Variants in GALNT14 observed in about 807,000 individuals in gnomAD.
GALNT14 encodes the protein polypeptide N-acetylgalactosaminyltransferase 14, also known as UDP-GalNAc:polypeptide N-acetylgalactosaminyltransferase 14.
Under a neutral mutation model 77.5 loss-of-function variants are expected in GALNT14, and 60 were observed. That is an observed-to-expected ratio of 0.77 (90% confidence interval 0.63 to 0.96). GALNT14 has a LOEUF of 0.96. Ranked by LOEUF, GALNT14 falls within the 40% of genes least tolerant of loss-of-function variation. The pLI is 0.00. For missense variants in GALNT14, 710 were observed against 731.0 expected, an observed-to-expected ratio of 0.97 and a Z score of 0.33; for synonymous variants, 280 against 281.7, an observed-to-expected ratio of 0.99 and a Z score of 0.06.
intron 1 of GALNT14, among the ~76,000 whole-genome samples, chr2:31,098,388 G>A (rs1677098577): frequency 6.6e-6 from 1 of 152,110 alleles, no homozygotes; most frequent in African/African-American, 2.4e-5. Flanking sequence ...AAGAGGATGT[G>A]CATCATCTTC....
intron 6 of GALNT14, among the ~76,000 whole-genome samples, chr2:30,952,131 A>C (rs573015920): frequency 1.1e-4 from 16 of 152,244 alleles, no homozygotes; most frequent in Non-Finnish European, 2.4e-4. Flanking sequence ...TATAACATTA[A>C]GGGAAAAAAG....
chr2:31,063,961 G>T (rs750030044), intron 1 of GALNT14, among the ~76,000 whole-genome samples: 2 of 152,202 alleles, frequency 1.3e-5, no homozygotes, highest in Non-Finnish European at 2.9e-5. Context: ...AAAGATTTGA[G>T]AAGGCAGCCC....
chr2:31,132,601 G>T, intron 1 of GALNT14: 1 of 410,624 alleles, frequency 2.4e-6, no homozygotes. Flanking sequence ...TTACAACAAT[G>T]AGAAAATTGA....
chr2:31,131,004 A>G (rs899107676), intron 1 of GALNT14, among the ~76,000 whole-genome samples: 6 of 152,178 alleles, frequency 3.9e-5, no homozygotes, highest in Non-Finnish European at 7.3e-5. Context: ...ACAGTTATTC[A>G]TAACTAACCT....
chr2:30,922,235 G>A (rs1383325119), intron 13 of GALNT14, among the ~76,000 whole-genome samples: 1 of 84,166 alleles, frequency 1.2e-5, no homozygotes, highest in East Asian at 3.0e-4. Context: ...AGAAAGTCCA[G>A]GTAGGAGATC....
intron 1 of GALNT14, among the ~76,000 whole-genome samples, chr2:31,057,193 C>A (rs769406468): frequency 5.3e-5 from 8 of 151,048 alleles, no homozygotes; most frequent in Non-Finnish European, 7.4e-5. Flanking sequence ...ATGCTCATTA[C>A]CTGGGTGATG....
At chr2:31,069,007 G>A (rs1177481133) in intron 1 of GALNT14, among the ~76,000 whole-genome samples, 1 of 152,188 alleles carries the variant, frequency 6.6e-6, no homozygotes, top group Non-Finnish European at 1.5e-5. Context: ...GCGGGGTGGG[G>A]CATGGGAATT....
intron 1 of GALNT14, among the ~76,000 whole-genome samples, chr2:30,994,722 C>T (rs554852101): frequency 1.3e-5 from 2 of 152,178 alleles, no homozygotes; most frequent in South Asian, 4.2e-4. Flanking sequence ...ATGGGAAGGG[C>T]CATAGAACTG....
chr2:31,085,925 G>A (rs1296145647), intron 1 of GALNT14, among the ~76,000 whole-genome samples: 1 of 152,188 alleles, frequency 6.6e-6, no homozygotes, highest in African/African-American at 2.4e-5. Context: ...GGACTTACAT[G>A]GCGACAGGCA....
intron 1 of GALNT14, among the ~76,000 whole-genome samples, chr2:31,110,700 A>G (rs1289388393): frequency 6.6e-6 from 1 of 151,564 alleles, no homozygotes; most frequent in African/African-American, 2.4e-5. Context: ...AATCACCACA[A>G]TTTTTTTTTC....
chr2:30,957,596 C>G (rs1667442839), intron 4 of GALNT14, among the ~76,000 whole-genome samples: 2 of 152,278 alleles, frequency 1.3e-5, no homozygotes, highest in South Asian at 2.1e-4. Context: ...TGCATCACCC[C>G]CAGAGGTTCT....
chr2:30,956,727 G>A (rs376814852), intron 4 of GALNT14, among the ~76,000 whole-genome samples: 5 of 152,058 alleles, frequency 3.3e-5, no homozygotes, highest in South Asian at 2.1e-4. Context: ...GGCTGGTCTC[G>A]AACTCCTGAC....
chr2:31,035,569 A>ATG (rs1168590695), intron 1 of GALNT14, among the ~76,000 whole-genome samples: 1,551 of 128,212 alleles, frequency 0.012, 25 homozygotes, highest in Admixed American at 0.015. Flanking sequence ...GTGTGTGTGT[A>ATG]TGTGTGTGTG....
At chr2:30,888,075 C>T in the GALNT14 span, among the ~76,000 whole-genome samples, 1 of 152,126 alleles carries the variant, frequency 6.6e-6, no homozygotes, top group African/African-American at 2.4e-5. Context: ...ACATGAATTG[C>T]TTGCCTGGAC....
chr2:31,005,847 C>G (rs1056248896), intron 1 of GALNT14, among the ~76,000 whole-genome samples: 1 of 152,186 alleles, frequency 6.6e-6, no homozygotes, highest in Admixed American at 6.5e-5. Context: ...TTTTAAGAAG[C>G]GTAATACATA....
chr2:30,989,272 T>G lies in GALNT14; in HGVS notation c.299+3566A>C, dbSNP rs934008949. Among the ~76,000 whole-genome samples the G allele has an allele frequency of 3.3e-5, 5 of 151,968 alleles. No individual in the cohort carries two copies. In the East Asian group the frequency reaches 7.7e-4, roughly 23 times the overall value. On this transcript the variant is annotated intron_variant, in intron 2 of 14. Coordinates refer to ENST00000349752, the MANE Select transcript of GALNT14 (RefSeq NM_024572.4). ...TCATGGGGATTTGACACCACTCACT[T>G]CCACTTCTCTGGCATTGAACCTGAC...
At chr2:31,028,815 T>C (rs1672231989) in intron 1 of GALNT14, among the ~76,000 whole-genome samples, 1 of 152,186 alleles carries the variant, frequency 6.6e-6, no homozygotes, top group South Asian at 2.1e-4. Context: ...CAAGGTGGTA[T>C]TTCATTGGCA....
intron 6 of GALNT14, among the ~76,000 whole-genome samples, chr2:30,948,297 G>A (rs1166196344): frequency 6.6e-6 from 1 of 152,218 alleles, no homozygotes; most frequent in East Asian, 1.9e-4. Flanking sequence ...CCAAAGATAT[G>A]TTTGGCCCTT....
chr2:31,011,213 C>T (rs1230323118), intron 1 of GALNT14, among the ~76,000 whole-genome samples: 2 of 152,248 alleles, frequency 1.3e-5, no homozygotes, highest in Admixed American at 1.3e-4. Flanking sequence ...TTCTGCAAAA[C>T]TGTGATGCCA....
Sources: allele counts gnomAD v4.1 joint callset (sites outside exome capture counted in the v4.1 genomes callset), GRCh38; gene constraint gnomAD v4.1.1; transcripts MANE v1.5; gene names NCBI Gene and HGNC (gene_info 2026-07-23, HGNC 2026-07-21).